Variants in ADGRE1 observed in about 807,000 individuals in gnomAD.
The protein encoded by ADGRE1 is EGF-like module receptor 1.
In ADGRE1, 82 loss-of-function variants were observed where a neutral mutation model predicts 102.7. The observed-to-expected ratio is 0.80, with a 90% CI of 0.67 to 0.96. ADGRE1 has a LOEUF of 0.96. ADGRE1 is among the 40% of genes least tolerant of loss of function. The pLI, the probability that ADGRE1 is intolerant of heterozygous loss-of-function variation, is 0.00. For synonymous variants in ADGRE1, 398 were observed against 399.6 expected (o/e 1.00, Z 0.05); for missense variants, 1,032 against 1,085.3 (o/e 0.95, Z 0.69).
chr19:6,940,078 T>G lies in ADGRE1; in HGVS notation c.*49T>G. On this transcript the variant is annotated 3_prime_UTR_variant, in exon 21 of 21. Transcript: ENST00000312053. ...GCTATGGAGCCACAGTTGAGGACAG[T>G]AGTTTCCTGCAGGAGCCTACCCTGA... is the stretch of plus-strand genomic sequence containing the variant. 1 of 1,606,342 alleles carries G rather than the reference T, an allele frequency of 6.2e-7. No homozygotes were observed. The highest frequency in any genetic ancestry group is 2.2e-5 in the East Asian group (1 of 44,824).
intron 5 of ADGRE1, among the ~76,000 whole-genome samples, chr19:6,899,177 G>C (rs930075236): frequency 6.6e-6 from 1 of 152,176 alleles, no homozygotes; most frequent in Non-Finnish European, 1.5e-5. Context: ...GGGTGCACTT[G>C]TCTCCAGACC....
intron 2 of ADGRE1, among the ~76,000 whole-genome samples, chr19:6,890,810 T>G (rs903948492): frequency 2.0e-5 from 3 of 152,154 alleles, no homozygotes; most frequent in Non-Finnish European, 4.4e-5. Context: ...AGGGATGTTG[T>G]GAAACTTTAA....
chr19:6,935,500 T>C (rs1032170803), intron 18 of ADGRE1, among the ~76,000 whole-genome samples: 1 of 152,208 alleles, frequency 6.6e-6, no homozygotes, highest in African/African-American at 2.4e-5. Context: ...GTTTTTTTTC[T>C]CTCGAGAATG....
rs528491563 is a variant in ADGRE1, at chr19:6,905,567, G to C, written c.950-866G>C. Among the ~76,000 whole-genome samples, 302 of 151,968 alleles carry C rather than the reference G, an allele frequency of 2.0e-3. 2 individuals are homozygous for C. Among genetic ancestry groups the C allele is most frequent in the Non-Finnish European group, 2.5e-3 (170 of 67,956 alleles). On this transcript the variant is annotated intron_variant, in intron 8 of 20. Transcript: ENST00000312053. ...GGGGTTTCACCATGTTGGCCAAGCT[G>C]TTCTTGAACTCGTGATCTTGTGATC...
chr19:6,915,200 G>A (rs1029870289), intron 11 of ADGRE1, among the ~76,000 whole-genome samples: 6 of 151,878 alleles, frequency 4.0e-5, no homozygotes, highest in African/African-American at 1.5e-4. Flanking sequence ...TAGAAATGAG[G>A]TCTTGCTATG....
intron 17 of ADGRE1, among the ~76,000 whole-genome samples, chr19:6,932,325 A>G (rs903819099): frequency 6.6e-6 from 1 of 151,820 alleles, no homozygotes; most frequent in Non-Finnish European, 1.5e-5. Flanking sequence ...AAAATCAGCC[A>G]GGCGTGGTGG....
chr19:6,901,869 C>T lies in ADGRE1; in HGVS notation c.515-6C>T. 1 of 1,614,098 alleles carries T rather than the reference C, an allele frequency of 6.2e-7. No individual in the cohort carries two copies. Among genetic ancestry groups the T allele is most frequent in the Non-Finnish European group, 8.5e-7 (1 of 1,179,946 alleles). On this transcript the variant is annotated splice_region_variant and splice_polypyrimidine_tract_variant and intron_variant, in intron 5 of 20. Coordinates refer to ENST00000312053, the MANE Select transcript of ADGRE1 (RefSeq NM_001974.5). ...CTTGACCTGGGTTTTCTCTTCCACT[C>T]TTCAGACGTGGATGAATGTGCAGAT... is the stretch of plus-strand genomic sequence containing the variant.
intron 9 of ADGRE1, among the ~76,000 whole-genome samples, chr19:6,907,393 C>T (rs1490454523): frequency 6.7e-6 from 1 of 149,942 alleles, no homozygotes; most frequent in Non-Finnish European, 1.5e-5. Context: ...GGCTGGAGTG[C>T]AGTGGGGTGA....
chr19:6,921,252 T>C (rs1974654682), intron 13 of ADGRE1, among the ~76,000 whole-genome samples: 1 of 152,140 alleles, frequency 6.6e-6, no homozygotes, highest in Admixed American at 6.6e-5. Flanking sequence ...TAAAACCCCG[T>C]CTCTACTAAA....
intron 17 of ADGRE1, among the ~76,000 whole-genome samples, chr19:6,932,610 T>G (rs1975208876): frequency 6.6e-6 from 1 of 152,214 alleles, no homozygotes; most frequent in African/African-American, 2.4e-5. Context: ...TGCTCTTCTG[T>G]GTGAAACTGT....
chr19:6,895,874 T>C (rs886540729), intron 2 of ADGRE1: 1 of 152,396 alleles, frequency 6.6e-6, no homozygotes. Context: ...TAAATATGAT[T>C]GGTTGCTGTA....
chr19:6,923,502 C>G (rs1974758050), intron 14 of ADGRE1, among the ~76,000 whole-genome samples: 1 of 152,068 alleles, frequency 6.6e-6, no homozygotes, highest in Non-Finnish European at 1.5e-5. Flanking sequence ...AATCACACAA[C>G]TAGAAATTGG....
At chr19:6,892,391 CTCTT>C (rs999974991) in intron 2 of ADGRE1, among the ~76,000 whole-genome samples, 14 of 152,170 alleles carry the variant, frequency 9.2e-5, no homozygotes, top group African/African-American at 3.4e-4. Context: ...GTTGGTTCCT[CTCTT>C]TTCACTCCTC....
rs115988786 is a variant in ADGRE1, at chr19:6,911,756, C to T, written c.1123-1897C>T. Among the ~76,000 whole-genome samples the T allele has an allele frequency of 7.1e-3, 1,046 of 148,244 alleles. 11 individuals carry two copies. Among genetic ancestry groups the T allele is most frequent in the African/African-American group, 0.019 (788 of 40,756 alleles). ...CACACACATGCACACACAGTATGTA[C>T]ACACATACACACATATACATATGCA... On this transcript the variant is annotated intron_variant, in intron 10 of 20. Transcript: ENST00000312053.
At chr19:6,898,692 C>T (rs1050291050) in intron 5 of ADGRE1, 3 of 968,292 alleles carry the variant, frequency 3.1e-6, no homozygotes, top group African/African-American at 3.3e-5. Flanking sequence ...TCTCTAGAAA[C>T]TCTATCTCTT....
intron 14 of ADGRE1, among the ~76,000 whole-genome samples, chr19:6,923,239 T>C (rs1974746553): frequency 6.6e-6 from 1 of 152,190 alleles, no homozygotes; most frequent in South Asian, 2.1e-4. Flanking sequence ...TCTCTACCAC[T>C]TTCTAGCTGT....
chr19:6,896,376 C>G (rs181852094), intron 2 of ADGRE1, 22 bp from the exon 3 acceptor site: 11 of 1,611,408 alleles, frequency 6.8e-6, no homozygotes, highest in Non-Finnish European at 9.3e-6. Context: ...CTTGTCTAAA[C>G]TTTTCTTTAT....
intron 5 of ADGRE1, among the ~76,000 whole-genome samples, chr19:6,899,687 A>G (rs1335878350): frequency 6.6e-6 from 1 of 151,934 alleles, no homozygotes; most frequent in Non-Finnish European, 1.5e-5. Flanking sequence ...TTCAAAAAAA[A>G]AAAATACCCA....
At chr19:6,913,460 G>A (rs1009325212) in intron 10 of ADGRE1, among the ~76,000 whole-genome samples, 193 bp from the exon 11 acceptor site, 1 of 152,076 alleles carries the variant, frequency 6.6e-6, no homozygotes, top group Non-Finnish European at 1.5e-5. Flanking sequence ...GCTTACAAGT[G>A]TGAGCCACTG....
Sources: gnomAD v4.1 joint callset for allele counts (sites outside exome capture counted in the v4.1 genomes callset) on GRCh38, gnomAD v4.1.1 for gene constraint, MANE v1.5 for transcripts, NCBI Gene and HGNC (gene_info 2026-07-23, HGNC 2026-07-21) for gene names.